PTPRN2: variants seen among roughly 807,000 people sequenced by gnomAD.
PTPRN2 encodes the protein protein tyrosine phosphatase receptor type N2.
PTPRN2 carries 74 observed loss-of-function variants against 118.8 expected under a neutral mutation model. The observed-to-expected ratio is 0.62, with a 90% CI of 0.52 to 0.76. The LOEUF (loss-of-function observed/expected upper bound fraction) is 0.76, where lower values mean the gene tolerates loss of function less well. PTPRN2 is among the 30% of genes least tolerant of loss of function. The probability of loss-of-function intolerance (pLI) is 0.00; values close to 1 mark genes in which losing one functional copy is unlikely to be tolerated. For synonymous variants in PTPRN2, 641 were observed against 608.0 expected, an observed-to-expected ratio of 1.05 and a Z score of -0.80; for missense variants, 1,481 against 1,394.4, an observed-to-expected ratio of 1.06 and a Z score of -0.99.
Position 157,928,040 on chromosome 7 carries a change from T to A in PTPRN2, c.1724-29303A>T, listed in dbSNP as rs1331124237. On this transcript the variant is annotated intron_variant, in intron 11 of 22. Transcript: ENST00000389418. ...GTGACAGGTGGCATTTATAGAGCAC[T>A]TACTGGGAACATGACAGGTGGCATT... is the stretch of plus-strand genomic sequence containing the variant. Among the ~76,000 whole-genome samples the A allele has an allele frequency of 2.0e-5, 3 of 152,246 alleles. No individual in the cohort carries two copies. In the East Asian group the frequency reaches 5.8e-4, roughly 29 times the overall value.
At chr7:157,663,593 G>T (rs1796000385) in intron 13 of PTPRN2, among the ~76,000 whole-genome samples, 1 of 152,170 alleles carries the variant, frequency 6.6e-6, no homozygotes, top group East Asian at 1.9e-4. Context: ...TTGCTGTGTG[G>T]CCCCTTTCTG....
rs561234635 is a variant in PTPRN2, at chr7:157,552,858, A to C, written c.2903-3839T>G. ...CTGGATGGGCCAGCCTCACCTCTGG[A>C]GGGGCTTTCCTCCCGTTTCCAGGGT... On this transcript the variant is annotated intron_variant, in intron 21 of 22. Transcript: ENST00000389418. Among the ~76,000 whole-genome samples the C allele has an allele frequency of 6.6e-5, 10 of 152,208 alleles. No individual in the cohort carries two copies. In the East Asian group the frequency reaches 1.2e-3, roughly 18 times the overall value.
chr7:157,803,047 C>G (rs549955624), intron 12 of PTPRN2, among the ~76,000 whole-genome samples: 11 of 152,316 alleles, frequency 7.2e-5, no homozygotes, highest in African/African-American at 2.4e-4. Flanking sequence ...TCACTGCAAC[C>G]TCCACCTCCC....
At chr7:158,178,447 G>A (rs1365903015) in intron 5 of PTPRN2, among the ~76,000 whole-genome samples, 1 of 151,888 alleles carries the variant, frequency 6.6e-6, no homozygotes, top group African/African-American at 2.4e-5. Flanking sequence ...CAGAACATAA[G>A]GTAATCGATT....
intron 11 of PTPRN2, among the ~76,000 whole-genome samples, chr7:157,940,502 C>G (rs1405285111): frequency 6.7e-6 from 1 of 149,404 alleles, no homozygotes; most frequent in Non-Finnish European, 1.5e-5. Flanking sequence ...CTAACACCCT[C>G]CCCCTTGACA....
chr7:158,336,439 C>A (rs1257234568), intron 2 of PTPRN2, among the ~76,000 whole-genome samples: 2 of 102,870 alleles, frequency 1.9e-5, no homozygotes, highest in Non-Finnish European at 4.5e-5. Context: ...AGACGTCACT[C>A]ACACCCACAC....
At position 157,903,226 on chromosome 7, in the gene PTPRN2, G is replaced by A. The variant is rs1283688421; in HGVS notation, c.1724-4489C>T. Among the ~76,000 whole-genome samples the A allele has an allele frequency of 6.6e-6, 1 of 152,150 alleles. No individual in the cohort carries two copies. Among genetic ancestry groups the A allele is most frequent in the African/African-American group, 2.4e-5 (1 of 41,436 alleles). On this transcript the variant is annotated intron_variant, in intron 11 of 22. Coordinates refer to ENST00000389418, the MANE Select transcript of PTPRN2 (RefSeq NM_002847.5). The surrounding 1 kb of genome is among the most constrained non-coding windows in gnomAD (Gnocchi z 4.2). ...GGGGACCAGACATCGGGTACTTACA[G>A]CCATAGAGATGGGAACAACAGACAC... is the stretch of plus-strand genomic sequence containing the variant.
intron 3 of PTPRN2, among the ~76,000 whole-genome samples, chr7:158,282,661 C>T (rs1015331095): frequency 2.7e-5 from 4 of 150,412 alleles, no homozygotes; most frequent in African/African-American, 4.9e-5. Flanking sequence ...GAGACACAAA[C>T]GGCTCGTCCC....
chr7:158,447,156 A>C (rs982281513), intron 2 of PTPRN2, among the ~76,000 whole-genome samples: 3 of 152,198 alleles, frequency 2.0e-5, no homozygotes, highest in Non-Finnish European at 4.4e-5. Flanking sequence ...GGACAGAGCC[A>C]TGAATCCACA....
chr7:157,844,558 C>T (rs919065501), intron 12 of PTPRN2, among the ~76,000 whole-genome samples: 21 of 152,206 alleles, frequency 1.4e-4, no homozygotes, highest in Non-Finnish European at 2.6e-4. Context: ...AGGAGCCCAG[C>T]GTGACCAGCC....
At chr7:158,114,695 A>G (rs958765873) in intron 9 of PTPRN2, among the ~76,000 whole-genome samples, 1 of 152,064 alleles carries the variant, frequency 6.6e-6, no homozygotes, top group African/African-American at 2.4e-5. Context: ...GGGAAAAGAG[A>G]AGCCACCGGC....
intron 3 of PTPRN2, among the ~76,000 whole-genome samples, chr7:158,284,710 C>T (rs1421739199): frequency 6.6e-6 from 1 of 152,208 alleles, no homozygotes; most frequent in Non-Finnish European, 1.5e-5. Context: ...CTACCCACAC[C>T]TCCCGCAGGA....
intron 12 of PTPRN2, among the ~76,000 whole-genome samples, chr7:157,766,460 T>G (rs1218215856): frequency 6.6e-6 from 1 of 152,020 alleles, no homozygotes; most frequent in African/African-American, 2.4e-5. Context: ...CTTTCCTCCA[T>G]CCATCTATCC....
At chr7:158,043,151 G>C (rs1335220322) in intron 11 of PTPRN2, among the ~76,000 whole-genome samples, 1 of 152,042 alleles carries the variant, frequency 6.6e-6, no homozygotes, top group Non-Finnish European at 1.5e-5. Flanking sequence ...TTCAACACCA[G>C]CCTCAGAAAC....
intron 12 of PTPRN2, among the ~76,000 whole-genome samples, chr7:157,768,599 G>A (rs917550265): frequency 8.5e-5 from 13 of 152,166 alleles, no homozygotes; most frequent in African/African-American, 2.7e-4. Context: ...CCCAGCCCCA[G>A]CTCCACCCCA....
intron 1 of PTPRN2, among the ~76,000 whole-genome samples, chr7:158,557,098 G>A (rs1295352240): frequency 7.5e-6 from 1 of 134,214 alleles, no homozygotes; most frequent in Non-Finnish European, 1.6e-5. Context: ...TCCTGTGCAG[G>A]TCGCTCCTGG....
At chr7:158,311,959 A>G (rs1055655187) in intron 3 of PTPRN2, among the ~76,000 whole-genome samples, 1 of 151,140 alleles carries the variant, frequency 6.6e-6, no homozygotes, top group Non-Finnish European at 1.5e-5. Context: ...ATACCTGTAC[A>G]TGCACTCACG....
intron 1 of PTPRN2, among the ~76,000 whole-genome samples, chr7:158,557,044 G>A (rs1450041752): frequency 4.3e-5 from 6 of 139,766 alleles, no homozygotes; most frequent in Non-Finnish European, 7.6e-5. Flanking sequence ...GGGCTCCCGC[G>A]CAGGTCACTC....
At chr7:158,424,947 A>C (rs75803849) in intron 2 of PTPRN2, among the ~76,000 whole-genome samples, 6,551 of 152,182 alleles carry the variant, frequency 0.043, 208 homozygotes, top group African/African-American at 0.079. Context: ...CTAATCTCCC[A>C]TACCAGCTCA....
Sources: allele counts gnomAD v4.1 joint callset (sites outside exome capture counted in the v4.1 genomes callset), GRCh38; gene constraint gnomAD v4.1.1; non-coding constraint Gnocchi (gnomAD v3.1); transcripts MANE v1.5; gene names NCBI Gene and HGNC (gene_info 2026-07-23, HGNC 2026-07-21).